Variants in MALT1 observed in about 807,000 individuals in gnomAD.
MALT1 encodes MALT1 paracaspase.
Under a neutral mutation model 85.5 loss-of-function variants are expected in MALT1, and 36 were observed. The observed-to-expected ratio is 0.42, with a 90% CI of 0.32 to 0.56. The LOEUF is 0.56. MALT1 is among the 20% of genes least tolerant of loss of function. The pLI, the probability that MALT1 is intolerant of heterozygous loss-of-function variation, is 0.10. For synonymous variants in MALT1, 359 were observed against 361.3 expected (o/e 0.99, Z 0.07); for missense variants, 716 against 981.6 (o/e 0.73, Z 3.62).
intron 7 of MALT1, 107 bp from the exon 8 acceptor site, chr18:58,713,976 A>T (rs1448969836): frequency 3.3e-6 from 2 of 598,460 alleles, no homozygotes; most frequent in Non-Finnish European, 6.1e-6. Flanking sequence ...AAACTGATAA[A>T]ACACTATAAC....
chr18:58,742,533 C>T (rs1024469391), intron 14 of MALT1, among the ~76,000 whole-genome samples: 1 of 152,034 alleles, frequency 6.6e-6, no homozygotes, highest in Non-Finnish European at 1.5e-5. Context: ...ATGGCAAAAC[C>T]TCGTCTCTAC....
intron 13 of MALT1, among the ~76,000 whole-genome samples, chr18:58,735,925 A>T (rs1254918420): frequency 6.6e-6 from 1 of 152,168 alleles, no homozygotes; most frequent in Admixed American, 6.6e-5. Context: ...CAGATGCTGA[A>T]CAAGTACCTA....
In MALT1 at chr18:58,671,568, C is replaced by A; in HGVS notation, c.-76C>A. On this transcript the variant is annotated 5_prime_UTR_variant, in exon 1 of 17. Transcript: ENST00000649217. ...CCTGCCTCCGCGGCTCGGAGGCGAGCGGAAGGTGCCCCGGGGCCGAGGCCC... is the reference window on the plus strand; with the variant it reads ...CCTGCCTCCGCGGCTCGGAGGCGAGAGGAAGGTGCCCCGGGGCCGAGGCCC... 3.0e-6 allele frequency: 3 copies of A among 1,000,768 alleles called. No homozygotes were observed. The highest frequency in any genetic ancestry group is 3.8e-6 in the Non-Finnish European group (3 of 784,502). 62.0% of individuals were successfully genotyped at this position (1,000,768 alleles called of 1,614,324 possible).
chr18:58,679,751 G>T (rs1477161328), intron 1 of MALT1, among the ~76,000 whole-genome samples: 1 of 152,114 alleles, frequency 6.6e-6, no homozygotes, highest in Non-Finnish European at 1.5e-5. Flanking sequence ...GCTTCACCAT[G>T]TTGGCCAGGC....
chr18:58,694,477 G>A (rs1022314003), intron 2 of MALT1, among the ~76,000 whole-genome samples: 1 of 152,144 alleles, frequency 6.6e-6, no homozygotes, highest in Non-Finnish European at 1.5e-5. Context: ...ATTCAGTATA[G>A]ACAAGGAAAG....
chr18:58,686,845 C>T (rs1207849229), intron 2 of MALT1, among the ~76,000 whole-genome samples: 1 of 152,194 alleles, frequency 6.6e-6, no homozygotes, highest in African/African-American at 2.4e-5. Flanking sequence ...TGTGAAGCGA[C>T]AGAACAGTGC....
chr18:58,713,110 A>G (rs1053559080), intron 7 of MALT1, among the ~76,000 whole-genome samples: 1 of 152,166 alleles, frequency 6.6e-6, no homozygotes, highest in South Asian at 2.1e-4. Flanking sequence ...GGCAAAAAAA[A>G]TTGCACATAA....
intron 2 of MALT1, among the ~76,000 whole-genome samples, chr18:58,683,511 C>T (rs866836393): frequency 5.3e-5 from 8 of 152,234 alleles, no homozygotes; most frequent in South Asian, 2.1e-4. Context: ...GCTAGGGTTT[C>T]GGAATTTTTA....
At position 58,671,965 on chromosome 18, in the gene MALT1, T is replaced by A. The variant is rs1181695527; in HGVS notation, c.209+113T>A. The A allele has an allele frequency of 9.1e-6, 6 of 657,988 alleles. No homozygotes were observed. In the African/African-American group the frequency reaches 9.5e-5, roughly 10 times the overall value. 40.8% of individuals were successfully genotyped at this position (657,988 alleles called of 1,614,324 possible). On this transcript the variant is annotated intron_variant, in intron 1 of 16. Transcript: ENST00000649217. ...GCGCGGCGGGGGCCGCCGGCGTGAG[T>A]GAGCGGAGGTGGGGAGGACTTCGGT...
chr18:58,673,665 C>CA (rs1332212830), intron 1 of MALT1, among the ~76,000 whole-genome samples: 3 of 152,146 alleles, frequency 2.0e-5, no homozygotes, highest in Admixed American at 6.5e-5. Context: ...CTGTGTTAGC[C>CA]AGGCTGGTCT....
chr18:58,699,218 G>T (rs1030226663), intron 3 of MALT1, among the ~76,000 whole-genome samples: 3 of 152,214 alleles, frequency 2.0e-5, no homozygotes, highest in African/African-American at 7.2e-5. Context: ...ACATGGATAG[G>T]TTTGTGATTT....
At chr18:58,721,542 C>CA (rs1417231297) in intron 9 of MALT1, among the ~76,000 whole-genome samples, 1 of 152,136 alleles carries the variant, frequency 6.6e-6, no homozygotes, top group Non-Finnish European at 1.5e-5. Flanking sequence ...AATCTCTGAA[C>CA]ATGTACATAT....
At chr18:58,696,515 C>T (rs1301942195) in intron 3 of MALT1, 28 bp downstream of exon 3, 2 of 1,491,094 alleles carry the variant, frequency 1.3e-6, no homozygotes, top group Admixed American at 2.1e-5. Flanking sequence ...TCTTTTAATT[C>T]TTCCAAGGAG....
At chr18:58,730,517 T>C (rs1042164495) in intron 10 of MALT1, among the ~76,000 whole-genome samples, 1 of 151,118 alleles carries the variant, frequency 6.6e-6, no homozygotes, top group Non-Finnish European at 1.5e-5. Context: ...TATTCTATTA[T>C]ATGATTATAT....
rs1422799994 is a variant in MALT1, at chr18:58,715,973, T to G, written c.1018+6T>G. ...AACAACTGACCAGCCTTTGGGTGAG[T>G]AGAACTTTAAAATGCATTATCAAAG... On this transcript the variant is annotated splice_donor_region_variant and intron_variant, in intron 9 of 16. Coordinates refer to ENST00000649217, the MANE Select transcript of MALT1 (RefSeq NM_006785.4). 12 of 1,596,178 alleles carry G rather than the reference T, an allele frequency of 7.5e-6. No homozygotes were observed. Among genetic ancestry groups the G allele is most frequent in the Non-Finnish European group, 1.0e-5 (12 of 1,170,740 alleles).
chr18:58,710,078 A>C lies in MALT1; in HGVS notation c.925+6A>C, dbSNP rs1473205930. On this transcript the variant is annotated splice_donor_region_variant and intron_variant, in intron 6 of 16. Transcript: ENST00000649217. ...GAAGGTAGAAATCATCATAGGTAAGAAGTATTTCCCCAGTGTTCTGACAAG... is the reference window on the plus strand; with the variant it reads ...GAAGGTAGAAATCATCATAGGTAAGCAGTATTTCCCCAGTGTTCTGACAAG... 2 of 1,568,620 alleles carry C rather than the reference A, an allele frequency of 1.3e-6. No homozygotes were observed. The highest frequency in any genetic ancestry group is 3.4e-5 in the Admixed American group (2 of 59,586).
chr18:58,736,442 TAAA>T (rs34656371), intron 13 of MALT1, among the ~76,000 whole-genome samples: 1 of 145,386 alleles, frequency 6.9e-6, no homozygotes, highest in Non-Finnish European at 1.5e-5. Flanking sequence ...TCTGCTGCTT[TAAA>T]AAAAAAAAAA....
At chr18:58,684,439 CTTTTTTTTTTT>C (rs548214354) in intron 2 of MALT1, among the ~76,000 whole-genome samples, 1 of 73,548 alleles carries the variant, frequency 1.4e-5, no homozygotes, top group Non-Finnish European at 2.7e-5. Flanking sequence ...AAGATTTACT[CTTTTTTTTTTT>C]TTTTTTTTTT....
chr18:58,709,319 A>G (rs1448859817), intron 4 of MALT1, 59 bp from the exon 5 acceptor site: 2 of 1,187,496 alleles, frequency 1.7e-6, no homozygotes, highest in African/African-American at 1.6e-5. Context: ...CTCTTTAATT[A>G]TAGGGAAATT....
Sources: gnomAD v4.1 joint callset for allele counts (sites outside exome capture counted in the v4.1 genomes callset) on GRCh38, gnomAD v4.1.1 for gene constraint, MANE v1.5 for transcripts, NCBI Gene and HGNC (gene_info 2026-07-23, HGNC 2026-07-21) for gene names.